Variants in CHN2 observed in about 807,000 individuals in gnomAD.
The protein encoded by CHN2 is chimerin 2.
In CHN2, 35 loss-of-function variants were observed where a neutral mutation model predicts 56.3. The ratio of observed to expected loss-of-function variants is 0.62; its 90% CI spans 0.47 to 0.82. The LOEUF (loss-of-function observed/expected upper bound fraction) is 0.82, where lower values mean the gene tolerates loss of function less well. CHN2 is among the 40% of genes least tolerant of loss of function. The pLI, the probability that CHN2 is intolerant of heterozygous loss-of-function variation, is 0.00. For synonymous variants in CHN2, 210 were observed against 212.8 expected, an observed-to-expected ratio of 0.99 and a Z score of 0.12; for missense variants, 491 against 580.5, an observed-to-expected ratio of 0.85 and a Z score of 1.58.
intron 2 of CHN2, among the ~76,000 whole-genome samples, chr7:29,183,698 T>C (rs1328655151): frequency 1.3e-5 from 2 of 152,126 alleles, no homozygotes; most frequent in Non-Finnish European, 2.9e-5. Context: ...AAGTGCTGAA[T>C]TGGTGGCATT....
chr7:29,462,360 C>T (rs570456661), intron 6 of CHN2, among the ~76,000 whole-genome samples: 20 of 152,188 alleles, frequency 1.3e-4, no homozygotes, highest in South Asian at 2.1e-4. Flanking sequence ...CATTGTCTTA[C>T]GGTTGCATGT....
chr7:29,472,313 T>TCACACACACGC (rs1459480414), intron 6 of CHN2, among the ~76,000 whole-genome samples: 1 of 77,798 alleles, frequency 1.3e-5, no homozygotes, highest in Non-Finnish European at 3.5e-5. Context: ...ACACACACAT[T>TCACACACACGC]AGACACAGAA....
chr7:29,384,423 G>A (rs1322825542), intron 3 of CHN2, among the ~76,000 whole-genome samples: 2 of 152,122 alleles, frequency 1.3e-5, no homozygotes, highest in Non-Finnish European at 2.9e-5. Context: ...TGCAAAATGG[G>A]AATGACAGTC....
At chr7:29,466,557 T>G (rs1156860391) in intron 6 of CHN2, among the ~76,000 whole-genome samples, 2 of 152,248 alleles carry the variant, frequency 1.3e-5, no homozygotes, top group South Asian at 2.1e-4. Flanking sequence ...GATTTTCATT[T>G]CTATCAATAG....
intron 6 of CHN2, chr7:29,479,652 A>G: frequency 6.8e-6 from 7 of 1,028,060 alleles, no homozygotes; most frequent in Non-Finnish European, 8.2e-6. Flanking sequence ...AGAGCCCCAG[A>G]TTAATTGGAT....
chr7:29,468,141 C>G (rs1352332617), intron 6 of CHN2, among the ~76,000 whole-genome samples: 1 of 2,798 alleles, frequency 3.6e-4, no homozygotes. Flanking sequence ...AACGGACCCG[C>G]CCCCCCCCCC....
At chr7:29,397,901 C>G (rs1460708029) in intron 4 of CHN2, 2 of 153,184 alleles carry the variant, frequency 1.3e-5, no homozygotes, top group African/African-American at 4.8e-5. Context: ...CTACCTCTTT[C>G]CAGAAAATGA....
At chr7:29,169,082 T>G (rs1467639342) in intron 2 of CHN2, among the ~76,000 whole-genome samples, 1 of 147,218 alleles carries the variant, frequency 6.8e-6, no homozygotes, top group Non-Finnish European at 1.5e-5. Flanking sequence ...TATAAGAAAT[T>G]TATCTCCCAT....
At chr7:29,323,950 G>A (rs1232850645) in intron 1 of CHN2, among the ~76,000 whole-genome samples, 2 of 152,024 alleles carry the variant, frequency 1.3e-5, no homozygotes, top group Admixed American at 6.5e-5. Flanking sequence ...CTTGCAGTGA[G>A]CAGAGATTGT....
intron 1 of CHN2, among the ~76,000 whole-genome samples, chr7:29,306,228 TAAG>T (rs1164849876): frequency 6.6e-6 from 1 of 152,206 alleles, no homozygotes; most frequent in Non-Finnish European, 1.5e-5. Context: ...GGTGGTGTCT[TAAG>T]AAGCAGACTT....
intron 7 of CHN2, among the ~76,000 whole-genome samples, chr7:29,482,798 T>C (rs1467197369): frequency 6.3e-4 from 3 of 4,766 alleles, no homozygotes; most frequent in Non-Finnish European, 1.2e-3. Flanking sequence ...CACTTTTTTC[T>C]TTTTTTTTTT....
intron 6 of CHN2, 152 bp from the exon 7 acceptor site, chr7:29,480,127 T>G (rs1786998061): frequency 6.4e-7 from 1 of 1,556,148 alleles, no homozygotes; most frequent in Non-Finnish European, 8.7e-7. Context: ...TCTGAAGAAC[T>G]GTGGCTGGAA....
intron 6 of CHN2, among the ~76,000 whole-genome samples, chr7:29,404,914 TTGAAGGATGCAAGAGCCAGTATCAC>T (rs1403827302): frequency 6.6e-6 from 1 of 151,830 alleles, no homozygotes; most frequent in Non-Finnish European, 1.5e-5. Flanking sequence ...TAAATATCCC[TTGAAGGATGCAAGAGCCAGTATCAC>T]TGATTGCCTT....
At chr7:29,422,422 G>A (rs2128106587) in intron 6 of CHN2, among the ~76,000 whole-genome samples, 1 of 152,296 alleles carries the variant, frequency 6.6e-6, no homozygotes, top group African/African-American at 2.4e-5. Flanking sequence ...TGAAGTCTCT[G>A]ACTGTGATGT....
intron 2 of CHN2, among the ~76,000 whole-genome samples, chr7:29,154,471 A>G (rs182594050): frequency 6.6e-6 from 1 of 152,302 alleles, no homozygotes; most frequent in Admixed American, 6.5e-5. Flanking sequence ...TCAAAAACAT[A>G]AAAAGAGATG....
intron 1 of CHN2, among the ~76,000 whole-genome samples, chr7:29,222,917 A>C (rs889421799): frequency 2.0e-5 from 3 of 152,198 alleles, no homozygotes; most frequent in African/African-American, 7.2e-5. Context: ...GCAAAGGAAT[A>C]GAATAGAGTT....
intron 2 of CHN2, among the ~76,000 whole-genome samples, chr7:29,170,485 G>C (rs943897130): frequency 5.9e-5 from 9 of 152,056 alleles, no homozygotes; most frequent in African/African-American, 1.9e-4. Context: ...TTCTCCAATT[G>C]TTCATCTGGG....
At chr7:29,480,848 A>G (rs753954449) in intron 7 of CHN2, among the ~76,000 whole-genome samples, 3 of 152,174 alleles carry the variant, frequency 2.0e-5, no homozygotes, top group Admixed American at 6.5e-5. Flanking sequence ...ATGACAGGAG[A>G]TGCCATCCAG....
intron 6 of CHN2, chr7:29,480,058 A>T: frequency 6.5e-7 from 1 of 1,544,046 alleles, no homozygotes; most frequent in South Asian, 1.2e-5. Context: ...CTGACAGCAC[A>T]GGGCTTCCTG....
Sources: allele counts gnomAD v4.1 joint callset (sites outside exome capture counted in the v4.1 genomes callset), GRCh38; gene constraint gnomAD v4.1.1; transcripts MANE v1.5; gene names NCBI Gene and HGNC (gene_info 2026-07-23, HGNC 2026-07-21).